The following RBM47 variants were observed in gnomAD, a reference collection of about 807,000 sequenced individuals.
The protein encoded by RBM47 is RNA binding motif protein 47.
In RBM47, 21 loss-of-function variants were observed where a neutral mutation model predicts 47.1. The observed-to-expected ratio is 0.45, with a 90% CI of 0.32 to 0.64. The LOEUF (loss-of-function observed/expected upper bound fraction) is 0.64, where lower values mean the gene tolerates loss of function less well. RBM47 is among the 30% of genes least tolerant of loss of function. The pLI is 0.05. For synonymous variants in RBM47, 375 were observed against 361.7 expected (o/e 1.04, Z -0.42); for missense variants, 708 against 870.9 (o/e 0.81, Z 2.35).
chr4:40,548,203 T>C (rs1729205588), intron 1 of RBM47, among the ~76,000 whole-genome samples: 1 of 152,106 alleles, frequency 6.6e-6, no homozygotes, highest in Non-Finnish European at 1.5e-5. Context: ...TGAATAACAG[T>C]TTACCCGGCA....
At chr4:40,481,492 AT>A (rs1553887667) in intron 2 of RBM47, among the ~76,000 whole-genome samples, 3 of 113,590 alleles carry the variant, frequency 2.6e-5, no homozygotes, top group African/African-American at 1.0e-4. Flanking sequence ...TATTATTTTT[AT>A]TTTTATTTTT....
intron 2 of RBM47, among the ~76,000 whole-genome samples, chr4:40,495,088 C>T (rs573077172): frequency 4.6e-5 from 7 of 152,232 alleles, no homozygotes; most frequent in Admixed American, 2.0e-4. Context: ...ACTACAGGCA[C>T]GCCCCACCAT....
chr4:40,457,505 G>C (rs998339518), intron 3 of RBM47, among the ~76,000 whole-genome samples: 1 of 151,634 alleles, frequency 6.6e-6, no homozygotes, highest in African/African-American at 2.4e-5. Flanking sequence ...GTAGTGACAC[G>C]ATCTCAGCTC....
chr4:40,581,520 G>A (rs1732945408), intron 1 of RBM47, among the ~76,000 whole-genome samples: 1 of 151,774 alleles, frequency 6.6e-6, no homozygotes, highest in African/African-American at 2.4e-5. Context: ...TGGGGAAGAT[G>A]AAGAATGAGA....
At chr4:40,573,022 A>G (rs10023819) in intron 1 of RBM47, among the ~76,000 whole-genome samples, 77,398 of 150,934 alleles carry the variant, frequency 0.51, 24,099 homozygotes, top group African/African-American at 0.87. Flanking sequence ...GTGTGGTGGT[A>G]GGTGCCTGTA....
intron 2 of RBM47, chr4:40,514,659 C>T (rs1164112526): frequency 6.6e-6 from 1 of 152,144 alleles, no homozygotes; most frequent in Non-Finnish European, 1.5e-5. Context: ...ACCCTCAGAG[C>T]AAACACCACT....
intron 2 of RBM47, among the ~76,000 whole-genome samples, chr4:40,472,480 T>C (rs1719049438): frequency 6.7e-6 from 1 of 149,124 alleles, no homozygotes; most frequent in Admixed American, 6.7e-5. Context: ...GAGAATCACT[T>C]AAACCTGGGA....
At chr4:40,490,430 A>G (rs2154246163) in intron 2 of RBM47, among the ~76,000 whole-genome samples, 1 of 152,344 alleles carries the variant, frequency 6.6e-6, no homozygotes, top group South Asian at 2.1e-4. Flanking sequence ...AATCAAGTTC[A>G]ACAAGGTTGC....
intron 1 of RBM47, among the ~76,000 whole-genome samples, chr4:40,596,488 C>G (rs1038395219): frequency 1.1e-4 from 17 of 152,102 alleles, no homozygotes; most frequent in African/African-American, 4.1e-4. Flanking sequence ...TGTAAAGGGT[C>G]AGACGGGAAA....
chr4:40,497,746 G>C (rs1191766381), intron 2 of RBM47, among the ~76,000 whole-genome samples: 5 of 151,294 alleles, frequency 3.3e-5, no homozygotes, highest in Non-Finnish European at 7.4e-5. Context: ...GGCTGAGGCA[G>C]AAGGATAGCT....
Position 40,459,957 on chromosome 4 carries a change from C to T in RBM47, c.-32+6620G>A, listed in dbSNP as rs1310502813. On this transcript the variant is annotated intron_variant, in intron 3 of 6. Transcript: ENST00000295971. ...TTTTAGTAGAGACGGGGTTTCACCA[C>T]GTTGGTCAGGCTGGTCTCAAATTCC... Among the ~76,000 whole-genome samples, 4 of 152,086 alleles carry T rather than the reference C, an allele frequency of 2.6e-5. No homozygotes were observed. In the East Asian group the frequency reaches 5.8e-4, roughly 22 times the overall value.
chr4:40,470,446 C>T (rs1047201160), intron 2 of RBM47, among the ~76,000 whole-genome samples: 1 of 152,178 alleles, frequency 6.6e-6, no homozygotes, highest in Non-Finnish European at 1.5e-5. Context: ...TTATTGGATG[C>T]TTCTGGCATC....
intron 2 of RBM47, among the ~76,000 whole-genome samples, chr4:40,526,010 C>G (rs1475002719): frequency 1.3e-5 from 2 of 152,064 alleles, no homozygotes; most frequent in Non-Finnish European, 2.9e-5. Flanking sequence ...GGAGAGGCAA[C>G]AAGAAGAAAA....
At chr4:40,546,322 G>A (rs1729033450) in intron 1 of RBM47, among the ~76,000 whole-genome samples, 1 of 151,954 alleles carries the variant, frequency 6.6e-6, no homozygotes. Flanking sequence ...GGCTAATTTT[G>A]TATTTGTAGT....
Position 40,425,805 on chromosome 4 carries a change from C to G in RBM47, c.*99G>C. On this transcript the variant is annotated 3_prime_UTR_variant, in exon 7 of 7. Transcript: ENST00000295971. ...TAAATCTGCTAACATTCTTCACTTT[C>G]AGGTTGCATGTGTGAATCCAACATG... is the stretch of plus-strand genomic sequence containing the variant. 6.9e-7 allele frequency: 1 copy of G among 1,447,092 alleles called. No homozygotes were observed. Among genetic ancestry groups the G allele is most frequent in the Non-Finnish European group, 9.4e-7 (1 of 1,066,958 alleles). 89.6% of individuals were successfully genotyped at this position (1,447,092 alleles called of 1,614,324 possible).
chr4:40,508,499 C>A (rs1028876108), intron 2 of RBM47, among the ~76,000 whole-genome samples: 8 of 152,122 alleles, frequency 5.3e-5, no homozygotes, highest in Non-Finnish European at 1.5e-5. Context: ...TCTGTTCTTA[C>A]AAAGGAATAC....
intron 1 of RBM47, among the ~76,000 whole-genome samples, chr4:40,623,735 G>A (rs549008997): frequency 3.9e-4 from 59 of 152,054 alleles, no homozygotes; most frequent in African/African-American, 1.3e-3. Flanking sequence ...GACCTAATAA[G>A]TTTTTTCTAA....
intron 2 of RBM47, among the ~76,000 whole-genome samples, chr4:40,483,774 ATACT>A (rs1161514665): frequency 7.9e-5 from 12 of 152,346 alleles, no homozygotes; most frequent in Admixed American, 1.3e-4. Flanking sequence ...ATTAGCTAAA[ATACT>A]TAATAGTGAT....
At chr4:40,606,015 C>T (rs967663869) in intron 1 of RBM47, among the ~76,000 whole-genome samples, 17 of 148,664 alleles carry the variant, frequency 1.1e-4, no homozygotes, top group African/African-American at 4.0e-4. Flanking sequence ...CTGGCCACCA[C>T]GGTGAAAGCC....
Sources: gnomAD v4.1 joint callset for allele counts (sites outside exome capture counted in the v4.1 genomes callset) on GRCh38, gnomAD v4.1.1 for gene constraint, MANE v1.5 for transcripts, NCBI Gene and HGNC (gene_info 2026-07-23, HGNC 2026-07-21) for gene names.